ZNF226: variants seen among roughly 807,000 people sequenced by gnomAD.
ZNF226 encodes the protein Kruppel-associated box protein.
Under a neutral mutation model 11.4 loss-of-function variants are expected in ZNF226, and 6 were observed. That is an observed-to-expected ratio of 0.53 (90% CI 0.29 to 1.04). The LOEUF (loss-of-function observed/expected upper bound fraction) is 1.04. ZNF226 is among the 50% of genes least tolerant of loss of function. The probability of loss-of-function intolerance (pLI) is 0.08; values close to 1 mark genes in which losing one functional copy is unlikely to be tolerated. For missense variants in ZNF226, 1,058 were observed against 956.5 expected (o/e 1.11, Z -1.40); for synonymous variants, 350 against 322.8 (o/e 1.08, Z -0.90).
At chr19:44,171,012 T>C (rs931164024) in intron 3 of ZNF226, among the ~76,000 whole-genome samples, 3 of 152,172 alleles carry the variant, frequency 2.0e-5, no homozygotes, top group African/African-American at 7.2e-5. Context: ...AACATAGATA[T>C]AATTTTACAT....
At chr19:44,185,314 G>A in the ZNF226 span, among the ~76,000 whole-genome samples, 2 of 152,044 alleles carry the variant, frequency 1.3e-5, no homozygotes, top group Non-Finnish European at 2.9e-5. Context: ...TTAATTTTTT[G>A]AGGAGCCTCC....
chr19:44,175,127 ATGAAT>A, intron 5 of ZNF226: 1 of 1,550,880 alleles, frequency 6.4e-7, no homozygotes. Context: ...TTGAGTGACT[ATGAAT>A]GACTGCCGGG....
chr19:44,192,001 T>C, the ZNF226 span, among the ~76,000 whole-genome samples: 2 of 152,348 alleles, frequency 1.3e-5, no homozygotes, highest in African/African-American at 4.8e-5. Context: ...TGAATTCAAC[T>C]AAACACTGGA....
chr19:44,178,749 C>G (rs569770737), downstream of ZNF226, among the ~76,000 whole-genome samples: 9 of 152,050 alleles, frequency 5.9e-5, no homozygotes, highest in African/African-American at 1.9e-4. Context: ...TTAGGAGATT[C>G]AAGTAGAAAA....
At chr19:44,192,115 GAA>G in the ZNF226 span, among the ~76,000 whole-genome samples, 1 of 152,158 alleles carries the variant, frequency 6.6e-6, no homozygotes, top group East Asian at 1.9e-4. Context: ...AAAAGTAAAA[GAA>G]TGTGGAATTT....
chr19:44,173,036 C>T (rs1970287590), intron 5 of ZNF226, 84 bp downstream of exon 5: 2 of 1,283,412 alleles, frequency 1.6e-6, no homozygotes, highest in African/African-American at 3.0e-5. Flanking sequence ...TCACCTGGTC[C>T]AAATTGCCAA....
Position 44,171,981 on chromosome 19 carries a change from A to G in ZNF226, c.16-107A>G. On this transcript the variant is annotated intron_variant, in intron 3 of 5. Transcript: ENST00000337433. The stretch of plus-strand genomic sequence containing the variant: ...GGCAAGACAGGAGAAGGGCTGGGAA[A>G]TCTACAAACGGCTGGGCATCCAGAA... 3 of 1,467,310 alleles carry G rather than the reference A, an allele frequency of 2.0e-6. No homozygotes were observed. In the South Asian group the frequency reaches 3.4e-5, roughly 17 times the overall value. 90.9% of individuals were successfully genotyped at this position (1,467,310 alleles called of 1,614,324 possible). A position where few individuals can be genotyped will look rare whatever the true frequency, so the allele number is the denominator to read the frequency against.
the ZNF226 span, among the ~76,000 whole-genome samples, chr19:44,186,577 T>A: frequency 2.4e-3 from 364 of 152,158 alleles, 3 homozygotes; most frequent in Middle Eastern, 0.01. Flanking sequence ...GAGTTATTAG[T>A]TGTAGCTTTT....
chr19:44,186,009 A>G, the ZNF226 span, among the ~76,000 whole-genome samples: 1 of 152,028 alleles, frequency 6.6e-6, no homozygotes, highest in Non-Finnish European at 1.5e-5. Flanking sequence ...CATTTTTTGA[A>G]GAGACTGTCC....
downstream of ZNF226, among the ~76,000 whole-genome samples, chr19:44,181,944 A>G (rs553396073): frequency 2.0e-4 from 31 of 152,324 alleles, no homozygotes; most frequent in East Asian, 6.0e-3. Context: ...TCGCCAAAGT[A>G]AGGATTTTTG....
chr19:44,190,794 GATTC>G, the ZNF226 span, among the ~76,000 whole-genome samples: 362 of 152,244 alleles, frequency 2.4e-3, 2 homozygotes, highest in Middle Eastern at 0.01. Flanking sequence ...AGGAGGTACA[GATTC>G]ATACTGAATG....
chr19:44,179,652 T>C (rs552660929), downstream of ZNF226, among the ~76,000 whole-genome samples: 1 of 152,322 alleles, frequency 6.6e-6, no homozygotes, highest in South Asian at 2.1e-4. Flanking sequence ...TTGACAGACT[T>C]ACTCACTGGC....
the ZNF226 span, among the ~76,000 whole-genome samples, chr19:44,195,888 C>G: frequency 1.3e-5 from 2 of 152,198 alleles, no homozygotes; most frequent in Non-Finnish European, 2.9e-5. Flanking sequence ...AACATGTGGA[C>G]CTGCTTTATA....
At chr19:44,181,785 T>C (rs1206151502), downstream of ZNF226, among the ~76,000 whole-genome samples, 1 of 152,146 alleles carries the variant, frequency 6.6e-6, no homozygotes, top group Non-Finnish European at 1.5e-5. Flanking sequence ...TGTGATGACC[T>C]TCCCTGAGAT....
Position 44,170,087 on chromosome 19 carries a change from A to G in ZNF226, c.7A>G (p.Met3Val). 1 of 1,612,546 alleles carries G rather than the reference A, an allele frequency of 6.2e-7. No homozygotes were observed. The highest frequency in any genetic ancestry group is 2.2e-5 in the East Asian group (1 of 44,870). Residue 3 changes from methionine to valine, a missense_variant, in exon 3 of 6, where the codon ATG (methionine) becomes GTG (valine). Transcript: ENST00000337433. MN[M>V]FKEAVTFKDV... ...CCAGAAGGAAGAATTAAAAATGAAT[A>G]TGTTCAAGGTGAGTAGAGCTTGCCT...
chr19:44,198,994 T>C, the ZNF226 span, among the ~76,000 whole-genome samples: 1 of 151,006 alleles, frequency 6.6e-6, no homozygotes, highest in South Asian at 2.1e-4. Flanking sequence ...GTAGAGACGG[T>C]GTTTCACCAT....
intron 2 of ZNF226, among the ~76,000 whole-genome samples, chr19:44,168,998 CTTTTTTTTTTTTTTTTT>C (rs34967576): frequency 1.1e-5 from 1 of 90,818 alleles, no homozygotes; most frequent in Non-Finnish European, 2.0e-5. Flanking sequence ...CTCCCTTTTC[CTTTTTTTTTTTTTTTTT>C]TTTTTTTTTT....
At chr19:44,196,903 T>G in the ZNF226 span, among the ~76,000 whole-genome samples, 3 of 152,218 alleles carry the variant, frequency 2.0e-5, no homozygotes, top group African/African-American at 7.2e-5. Context: ...AAAATCCTAG[T>G]GATTCTGCTT....
At chr19:44,181,916 C>T (rs777460759), downstream of ZNF226, among the ~76,000 whole-genome samples, 5 of 152,086 alleles carry the variant, frequency 3.3e-5, no homozygotes, top group Non-Finnish European at 5.9e-5. Flanking sequence ...GTAGAAAATA[C>T]GACCATGAGG....
Sources: gnomAD v4.1 joint callset for allele counts (sites outside exome capture counted in the v4.1 genomes callset) on GRCh38, gnomAD v4.1.1 for gene constraint, MANE v1.5 for transcripts, NCBI Gene and HGNC (gene_info 2026-07-23, HGNC 2026-07-21) for gene names.